CAP2: variants seen among roughly 807,000 people sequenced by gnomAD.
CAP2 encodes the protein cyclase associated actin cytoskeleton regulatory protein 2.
A neutral mutation model predicts 57.7 loss-of-function variants in CAP2; 24 were observed. The observed-to-expected ratio is 0.42, with a 90% CI of 0.30 to 0.58. The LOEUF (loss-of-function observed/expected upper bound fraction) is 0.58, where lower values mean the gene tolerates loss of function less well. Ranked by LOEUF, CAP2 falls within the 20% of genes least tolerant of loss-of-function variation. The probability of loss-of-function intolerance (pLI) is 0.22; values close to 1 mark genes in which losing one functional copy is unlikely to be tolerated. For synonymous variants in CAP2, 194 were observed against 207.2 expected, an observed-to-expected ratio of 0.94 and a Z score of 0.55; for missense variants, 501 against 590.3, an observed-to-expected ratio of 0.85 and a Z score of 1.57.
chr6:17,394,077 G>A (rs1758609832), intron 1 of CAP2, among the ~76,000 whole-genome samples: 1 of 148,944 alleles, frequency 6.7e-6, no homozygotes, highest in Admixed American at 6.7e-5. Flanking sequence ...TTGGCGGGCG[G>A]CCGCGGCCTC....
intron 12 of CAP2, among the ~76,000 whole-genome samples, chr6:17,552,889 C>T (rs1348855761): frequency 2.0e-5 from 3 of 152,148 alleles, no homozygotes; most frequent in Non-Finnish European, 4.4e-5. Flanking sequence ...CTCTGCTCAG[C>T]CACGTGTCAT....
At chr6:17,467,396 T>C (rs1760892632) in intron 4 of CAP2, among the ~76,000 whole-genome samples, 1 of 152,242 alleles carries the variant, frequency 6.6e-6, no homozygotes, top group Non-Finnish European at 1.5e-5. Context: ...TAGGCATATG[T>C]ATTTATGGGG....
rs1761354678 is a variant in CAP2, at chr6:17,483,760, TC to T, written c.300+20691del. Among the ~76,000 whole-genome samples the T allele has an allele frequency of 2.0e-5, 3 of 152,026 alleles. No homozygotes were observed. The South Asian group carries it at 6.2e-4, about 32-fold the overall frequency. The stretch of plus-strand genomic sequence containing the variant: ...CATCAAGGCTGCTGAGAGATTCCTC[TC>T]CCCGGCGTGGCTGACAGGGGTGTTT... On this transcript the variant is annotated intron_variant, in intron 4 of 12. Transcript: ENST00000229922.
chr6:17,454,463 G>C (rs570619669), intron 3 of CAP2, among the ~76,000 whole-genome samples: 1 of 152,354 alleles, frequency 6.6e-6, no homozygotes, highest in South Asian at 2.1e-4. Context: ...TCCTCGGCCT[G>C]CAGCCTCTGC....
rs1197424365 is a variant in CAP2, at chr6:17,507,648, A to G, written c.452A>G (p.Lys151Arg). ...ACGGTCCTGTTTTCTCAGTCTCCCAAACCTGGTCCTTATGTCAAGGAGATG... is the reference window on the plus strand; with the variant it reads ...ACGGTCCTGTTTTCTCAGTCTCCCAGACCTGGTCCTTATGTCAAGGAGATG... ...PALGWIAVSP[K>R]PGPYVKEMND... is the part of the protein sequence containing the mutation. Residue 151 changes from lysine (K) to arginine (R), a missense_variant, in exon 6 of 13, where the codon AAA becomes AGA. Coordinates refer to ENST00000229922, the MANE Select transcript of CAP2 (RefSeq NM_006366.3). 6.2e-7 allele frequency: 1 copy of G among 1,602,562 alleles called. No individual in the cohort carries two copies. Among genetic ancestry groups the G allele is most frequent in the African/African-American group, 1.3e-5 (1 of 74,684 alleles).
Position 17,426,596 on chromosome 6 carries a change from C to A in CAP2, c.128C>A (p.Ala43Glu). The A allele has an allele frequency of 6.2e-7, 1 of 1,612,416 alleles. No individual in the cohort carries two copies. The highest frequency in any genetic ancestry group is 1.1e-5 in the South Asian group (1 of 91,026). ...AACTGCTCCTTTCCCCAAGGTGTGG[C>A]ACCCTCCGTGGAAGCCTTTGACAAG... ...GEVNGVIAGV[A>E]PSVEAFDKLM... The change falls in exon 3 of 13, where the codon GCA becomes GAA. Residue 43 changes from alanine (A) to glutamate (E), a missense_variant. Transcript: ENST00000229922.
intron 1 of CAP2, among the ~76,000 whole-genome samples, chr6:17,412,231 G>A (rs1479446892): frequency 6.6e-6 from 1 of 152,098 alleles, no homozygotes. Context: ...CAGCTGGCCA[G>A]CCCCCAGTGG....
rs370726782 is a variant in CAP2, at chr6:17,485,399, G to A, written c.301-21770G>A. The stretch of plus-strand genomic sequence containing the variant: ...ATCAACTGGGCTTTTTCCAGCCTGG[G>A]GCACCAGCCTCTGGTTACCGGTGCC... On this transcript the variant is annotated intron_variant, in intron 4 of 12. Transcript: ENST00000229922. 4.6e-5 allele frequency among the ~76,000 whole-genome samples: 7 copies of A among 152,244 alleles called. 1 individual carries two copies. The highest frequency in any genetic ancestry group is 2.0e-4 in the Admixed American group (3 of 15,286).
intron 7 of CAP2, among the ~76,000 whole-genome samples, chr6:17,526,956 CA>C (rs1221212193): frequency 0.03 from 2,387 of 79,994 alleles, 42 homozygotes; most frequent in African/African-American, 0.11. Context: ...GACTCTGTCT[CA>C]AAAAAAAAAA....
intron 1 of CAP2, among the ~76,000 whole-genome samples, chr6:17,413,608 T>TA (rs1561774543): frequency 6.6e-6 from 1 of 152,296 alleles, no homozygotes; most frequent in East Asian, 1.9e-4. Context: ...ATGAGCCAGT[T>TA]AAAAAATGAA....
intron 4 of CAP2, among the ~76,000 whole-genome samples, chr6:17,491,986 GTCTA>G (rs1216888757): frequency 6.6e-6 from 1 of 152,172 alleles, no homozygotes; most frequent in African/African-American, 2.4e-5. Context: ...AAATCCCATT[GTCTA>G]TCCAGTTCAG....
chr6:17,455,168 A>G (rs184642154), intron 3 of CAP2, among the ~76,000 whole-genome samples: 4 of 152,268 alleles, frequency 2.6e-5, no homozygotes, highest in African/African-American at 9.6e-5. Context: ...GAAACTAGTG[A>G]TAAGGCCCTG....
chr6:17,442,980 G>A (rs1294357019), intron 3 of CAP2, among the ~76,000 whole-genome samples: 2 of 152,100 alleles, frequency 1.3e-5, no homozygotes, highest in Non-Finnish European at 2.9e-5. Context: ...ACCTCCCAAA[G>A]TGCTGGGATT....
At chr6:17,556,273 C>A in intron 12 of CAP2, 86 bp from the exon 13 acceptor site, 1 of 921,594 alleles carries the variant, frequency 1.1e-6, no homozygotes, top group Non-Finnish European at 1.8e-6. Flanking sequence ...CACAAATCAG[C>A]CTCACCATCT....
intron 12 of CAP2, among the ~76,000 whole-genome samples, chr6:17,553,061 C>T (rs1763207166): frequency 6.6e-6 from 1 of 152,140 alleles, no homozygotes; most frequent in Admixed American, 6.5e-5. Flanking sequence ...GAGCTGATGC[C>T]AACAGCTTCA....
intron 11 of CAP2, among the ~76,000 whole-genome samples, chr6:17,550,671 C>T (rs1387054557): frequency 2.0e-5 from 3 of 151,864 alleles, no homozygotes; most frequent in African/African-American, 7.3e-5. Context: ...GGGAACAGTC[C>T]GCCCTTATGG....
chr6:17,452,104 T>C (rs1197136686), intron 3 of CAP2, among the ~76,000 whole-genome samples: 1 of 152,212 alleles, frequency 6.6e-6, no homozygotes, highest in Non-Finnish European at 1.5e-5. Context: ...CTGTGCTGAC[T>C]GTGTGTGTAG....
At chr6:17,528,889 A>ATT (rs1316700906) in intron 7 of CAP2, among the ~76,000 whole-genome samples, 1 of 152,176 alleles carries the variant, frequency 6.6e-6, no homozygotes, top group African/African-American at 2.4e-5. Context: ...AGGCCCCCAG[A>ATT]AACTTTGTTT....
At chr6:17,445,776 A>G (rs1334700595) in intron 3 of CAP2, among the ~76,000 whole-genome samples, 1 of 152,212 alleles carries the variant, frequency 6.6e-6, no homozygotes, top group Non-Finnish European at 1.5e-5. Context: ...ATTATTTCTT[A>G]GAAACTTGGA....
Sources: gnomAD v4.1 joint callset for allele counts (sites outside exome capture counted in the v4.1 genomes callset) on GRCh38, gnomAD v4.1.1 for gene constraint, MANE v1.5 for transcripts, NCBI Gene and HGNC (gene_info 2026-07-23, HGNC 2026-07-21) for gene names.